Variants in NRG3 observed in about 807,000 individuals in gnomAD.
NRG3 encodes the protein neuregulin 3.
A neutral mutation model predicts 66.9 loss-of-function variants in NRG3; 31 were observed. The ratio of observed to expected loss-of-function variants is 0.46; its 90% CI spans 0.35 to 0.63. NRG3 has a LOEUF of 0.63. NRG3 is among the 20% of genes least tolerant of loss of function. NRG3 has a pLI of 0.00. For missense variants in NRG3, 910 were observed against 878.9 expected, an observed-to-expected ratio of 1.04 and a Z score of -0.45; for synonymous variants, 393 against 359.4, an observed-to-expected ratio of 1.09 and a Z score of -1.06.
intron 1 of NRG3, chr10:81,877,984 C>A: frequency 1.3e-6 from 2 of 1,537,358 alleles, no homozygotes; most frequent in Non-Finnish European, 1.7e-6. Flanking sequence ...TACCTCCAAC[C>A]CTTGTATGCG....
intron 1 of NRG3, among the ~76,000 whole-genome samples, chr10:82,331,713 A>G (rs923118896): frequency 5.9e-5 from 9 of 152,300 alleles, no homozygotes; most frequent in Admixed American, 5.2e-4. Context: ...CCATCTGGAA[A>G]AAGCTGGTTT....
intron 1 of NRG3, among the ~76,000 whole-genome samples, chr10:81,961,047 C>T (rs1206578488): frequency 6.6e-6 from 1 of 152,174 alleles, no homozygotes; most frequent in African/African-American, 2.4e-5. Flanking sequence ...ACCTTCTAAG[C>T]TAGCACCACT....
intron 1 of NRG3, among the ~76,000 whole-genome samples, chr10:82,097,420 C>A (rs374265862): frequency 1.6e-5 from 1 of 62,938 alleles, no homozygotes; most frequent in Non-Finnish European, 3.2e-5. Context: ...ATATATATAT[C>A]TGTAATATAT....
At chr10:82,107,880 G>A (rs2067163678) in intron 1 of NRG3, among the ~76,000 whole-genome samples, 1 of 152,160 alleles carries the variant, frequency 6.6e-6, no homozygotes. Context: ...CTAAACTGTG[G>A]AAATATCCAG....
chr10:81,991,243 A>G (rs1324091730), intron 1 of NRG3, among the ~76,000 whole-genome samples: 1 of 152,136 alleles, frequency 6.6e-6, no homozygotes, highest in Non-Finnish European at 1.5e-5. Context: ...TGGATGCATT[A>G]TTATATTTTG....
chr10:82,815,771 G>C (rs538019743), intron 3 of NRG3, among the ~76,000 whole-genome samples: 1 of 152,284 alleles, frequency 6.6e-6, no homozygotes, highest in East Asian at 1.9e-4. Flanking sequence ...CTGGCAGGCT[G>C]CACTCGGCTC....
chr10:82,828,965 C>T (rs540659516), intron 3 of NRG3, among the ~76,000 whole-genome samples: 4 of 152,094 alleles, frequency 2.6e-5, no homozygotes, highest in Non-Finnish European at 5.9e-5. Context: ...TGAAAATTTG[C>T]CCTGAGGTAT....
chr10:81,981,788 C>T (rs553954643), intron 1 of NRG3, among the ~76,000 whole-genome samples: 130 of 152,270 alleles, frequency 8.5e-4, no homozygotes, highest in African/African-American at 3.1e-3. Context: ...ATATTGAATT[C>T]TCCCATCCTG....
intron 2 of NRG3, among the ~76,000 whole-genome samples, chr10:82,688,182 C>T (rs766937981): frequency 6.6e-6 from 1 of 152,206 alleles, no homozygotes; most frequent in East Asian, 1.9e-4. Flanking sequence ...CTATTTACTT[C>T]ACTACATGTA....
chr10:82,984,825 G>A (rs762506630), intron 8 of NRG3: 1 of 1,547,316 alleles, frequency 6.5e-7, no homozygotes, highest in Middle Eastern at 1.7e-4. Context: ...CTATACAGCT[G>A]TGGTGTGTTG....
intron 1 of NRG3, among the ~76,000 whole-genome samples, chr10:82,048,280 A>T (rs1172986814): frequency 7.2e-5 from 11 of 151,786 alleles, no homozygotes; most frequent in Non-Finnish European, 1.5e-4. Context: ...CTCCACCCCA[A>T]ATCAACAGAA....
chr10:82,563,454 A>G (rs1037561039), intron 2 of NRG3, among the ~76,000 whole-genome samples: 2 of 152,018 alleles, frequency 1.3e-5, no homozygotes, highest in African/African-American at 2.4e-5. Flanking sequence ...CAATATGGCT[A>G]TTTCTACCTC....
At chr10:82,262,074 G>A (rs1418252275) in intron 1 of NRG3, among the ~76,000 whole-genome samples, 1 of 152,106 alleles carries the variant, frequency 6.6e-6, no homozygotes. Context: ...AGCAAATGCT[G>A]GAGCCATGAT....
intron 2 of NRG3, among the ~76,000 whole-genome samples, chr10:82,385,908 G>A (rs1440566012): frequency 6.6e-6 from 1 of 152,054 alleles, no homozygotes; most frequent in Non-Finnish European, 1.5e-5. Flanking sequence ...CTTAAAGTGA[G>A]CATATATTCA....
At chr10:82,466,725 A>G (rs1840713725) in intron 2 of NRG3, among the ~76,000 whole-genome samples, 1 of 152,058 alleles carries the variant, frequency 6.6e-6, no homozygotes, top group Non-Finnish European at 1.5e-5. Context: ...TTAGACAGAC[A>G]TGTGCTGCTG....
chr10:82,491,599 ACATTTT>A (rs1843153835), intron 2 of NRG3, among the ~76,000 whole-genome samples: 1 of 152,058 alleles, frequency 6.6e-6, no homozygotes, highest in Admixed American at 6.6e-5. Context: ...ATCTGAGGGT[ACATTTT>A]TCCCCTCATA....
intron 3 of NRG3, among the ~76,000 whole-genome samples, chr10:82,791,037 C>T (rs557362036): frequency 1.4e-4 from 22 of 151,828 alleles, no homozygotes; most frequent in East Asian, 7.7e-4. Context: ...TATTATGATA[C>T]GTTAAAGTAT....
intron 4 of NRG3, among the ~76,000 whole-genome samples, chr10:82,869,347 C>A (rs568122108): frequency 1.3e-5 from 2 of 152,232 alleles, no homozygotes; most frequent in East Asian, 3.9e-4. Context: ...ACATTTGTTA[C>A]AATTGACAAA....
chr10:82,162,650 T>C (rs924551167), intron 1 of NRG3, among the ~76,000 whole-genome samples: 9 of 152,286 alleles, frequency 5.9e-5, no homozygotes, highest in African/African-American at 1.9e-4. Flanking sequence ...CTTCCACCGC[T>C]TCTCAGCCTA....
Sources: allele counts gnomAD v4.1 joint callset (sites outside exome capture counted in the v4.1 genomes callset), GRCh38; gene constraint gnomAD v4.1.1; transcripts MANE v1.5; gene names NCBI Gene and HGNC (gene_info 2026-07-23, HGNC 2026-07-21).